ERCC4: variants seen among roughly 807,000 people sequenced by gnomAD.
The protein encoded by ERCC4 is ERCC excision repair 4, endonuclease catalytic subunit.
Under a neutral mutation model 76.9 loss-of-function variants are expected in ERCC4, and 65 were observed. That is an observed-to-expected ratio of 0.84 (90% CI 0.69 to 1.04). The LOEUF is 1.04. Among genes scored for constraint, ERCC4 ranks in the 50% least tolerant of loss-of-function variants. The pLI is 0.00. For synonymous variants in ERCC4, 463 were observed against 410.1 expected (o/e 1.13, Z -1.56); for missense variants, 1,214 against 1,128.2 (o/e 1.08, Z -1.09).
intron 8 of ERCC4, among the ~76,000 whole-genome samples, chr16:13,936,115 A>G (rs2032286865): frequency 6.6e-6 from 1 of 152,216 alleles, no homozygotes; most frequent in Non-Finnish European, 1.5e-5. Context: ...TTAATCTTCT[A>G]AAATATCTTT....
rs2032619473 is a variant in ERCC4, at chr16:13,950,986, T to C, written c.*2639T>C. ...TGGACGCTTGAAGACAGGTGCACTGTCTCGTATGTATTTGAATTATGAACA... is the reference window on the plus strand; with the variant it reads ...TGGACGCTTGAAGACAGGTGCACTGCCTCGTATGTATTTGAATTATGAACA... On this transcript the variant is annotated 3_prime_UTR_variant, in exon 11 of 11. Coordinates refer to ENST00000311895, the MANE Select transcript of ERCC4 (RefSeq NM_005236.3). 5.2e-6 allele frequency: 1 copy of C among 192,218 alleles called. No individual in the cohort carries two copies. The highest frequency in any genetic ancestry group is 1.1e-5 in the Non-Finnish European group (1 of 91,842). 11.9% of individuals were successfully genotyped at this position (192,218 alleles called of 1,614,324 possible).
At chr16:13,944,577 A>T in intron 9 of ERCC4, 146 bp from the exon 10 acceptor site, 2 of 661,666 alleles carry the variant, frequency 3.0e-6, no homozygotes, top group African/African-American at 1.8e-5. Context: ...TGGCATATTT[A>T]CTTCTAATAT....
At chr16:13,937,685 C>A in intron 8 of ERCC4, 81 bp from the exon 9 acceptor site, 1 of 859,642 alleles carries the variant, frequency 1.2e-6, no homozygotes, top group Admixed American at 1.7e-5. Flanking sequence ...CTCTAGGTTG[C>A]TGATTTCACA....
chr16:13,928,383 A>C (rs2032110031), intron 4 of ERCC4, 148 bp downstream of exon 4: 1 of 635,754 alleles, frequency 1.6e-6, no homozygotes, highest in African/African-American at 1.8e-5. Flanking sequence ...TCTTTGGTTT[A>C]CTGGAAAGTA....
Position 13,949,118 on chromosome 16 carries a change from T to C in ERCC4, c.*771T>C, listed in dbSNP as rs1188937305. On this transcript the variant is annotated 3_prime_UTR_variant, in exon 11 of 11. Coordinates refer to ENST00000311895, the MANE Select transcript of ERCC4 (RefSeq NM_005236.3). ...TATGTAGCATATACTATAATTTCAT[T>C]GTTCCAAATTAGTATTTTTAAAGCA... The C allele has an allele frequency of 4.3e-6, 1 of 233,020 alleles. No individual in the cohort carries two copies. Among genetic ancestry groups the C allele is most frequent in the Non-Finnish European group, 8.5e-6 (1 of 117,970 alleles). 14.4% of individuals were successfully genotyped at this position (233,020 alleles called of 1,614,324 possible).
chr16:13,922,568 TC>T, intron 2 of ERCC4: 1 of 699,406 alleles, frequency 1.4e-6, no homozygotes, highest in Non-Finnish European at 2.6e-6. Flanking sequence ...ATGACGAATT[TC>T]TTAATGGCTT....
chr16:13,928,607 A>G (rs1221486002), intron 4 of ERCC4, among the ~76,000 whole-genome samples: 1 of 152,200 alleles, frequency 6.6e-6, no homozygotes, highest in Non-Finnish European at 1.5e-5. Context: ...CTTTTATGGA[A>G]TAAAAAATAA....
chr16:13,938,044 C>T (rs1275514997), intron 9 of ERCC4, among the ~76,000 whole-genome samples, 186 bp downstream of exon 9: 1 of 105,196 alleles, frequency 9.5e-6, no homozygotes, highest in Non-Finnish European at 2.1e-5. Context: ...TTTTTCTCTT[C>T]CCCGTCTCTT....
At chr16:13,941,450 C>G (rs140240391) in intron 9 of ERCC4, among the ~76,000 whole-genome samples, 3 of 152,296 alleles carry the variant, frequency 2.0e-5, no homozygotes, top group Non-Finnish European at 2.9e-5. Flanking sequence ...AACATTTGCA[C>G]TGTGTACTTA....
Position 13,935,608 on chromosome 16 carries a change from G to A in ERCC4, c.1676G>A (p.Gly559Asp), listed in dbSNP as rs370896187. The A allele has an allele frequency of 8.7e-5, 140 of 1,614,006 alleles. No individual in the cohort carries two copies. Among genetic ancestry groups the A allele is most frequent in the Admixed American group, 1.2e-4 (7 of 59,998 alleles). ...CTCACTATCATCCATCCGCTTCTGG[G>A]TTGCAGCGACCCCTATGCTCTGACA... ...EPLTIIHPLLGCSDPYALTRV... is the reference protein window; with the variant it reads ...EPLTIIHPLLDCSDPYALTRV... Residue 559 changes from glycine to aspartate, a missense_variant, in exon 8 of 11, where the codon GGT becomes GAT. Physicochemically the swap from Gly to Asp is moderately conservative, Grantham distance 94. Transcript: ENST00000311895.
chr16:13,940,543 G>A (rs1024395629), intron 9 of ERCC4, among the ~76,000 whole-genome samples: 1 of 152,204 alleles, frequency 6.6e-6, no homozygotes, highest in African/African-American at 2.4e-5. Flanking sequence ...GACCACACAT[G>A]CAAAGTGTTG....
At chr16:13,936,296 A>G (rs1285935757) in intron 8 of ERCC4, among the ~76,000 whole-genome samples, 1 of 152,228 alleles carries the variant, frequency 6.6e-6, no homozygotes, top group East Asian at 1.9e-4. Context: ...TGGCTTTCCA[A>G]TTATCTGAGG....
At position 13,951,609 on chromosome 16, in the gene ERCC4, A is replaced by C. The variant is rs910756200; in HGVS notation, c.*3262A>C. 9.3e-6 allele frequency: 2 copies of C among 215,112 alleles called. No individual in the cohort carries two copies. The highest frequency in any genetic ancestry group is 4.5e-5 in the African/African-American group (2 of 44,314). 13.3% of individuals were successfully genotyped at this position (215,112 alleles called of 1,614,324 possible). ...CAGTTTCCCAGCTCATGAGGGACTG[A>C]AAATAGTCTTATTCATCAACCCACT... is the stretch of plus-strand genomic sequence containing the variant. On this transcript the variant is annotated 3_prime_UTR_variant, in exon 11 of 11. Coordinates refer to ENST00000311895, the MANE Select transcript of ERCC4 (RefSeq NM_005236.3).
At chr16:13,940,796 A>G (rs538014909) in intron 9 of ERCC4, among the ~76,000 whole-genome samples, 1 of 152,334 alleles carries the variant, frequency 6.6e-6, no homozygotes, top group East Asian at 1.9e-4. Flanking sequence ...CTCAGAGCTC[A>G]TCTCCCAGGA....
chr16:13,922,655 C>G (rs78449631), intron 2 of ERCC4: 2 of 495,192 alleles, frequency 4.0e-6, no homozygotes, highest in African/African-American at 3.9e-5. Flanking sequence ...TTGGCATGAC[C>G]GTTGTCCTTT....
In ERCC4 at chr16:13,948,550, C is replaced by T; in HGVS notation, c.*203C>T. On this transcript the variant is annotated 3_prime_UTR_variant, in exon 11 of 11. Coordinates refer to ENST00000311895, the MANE Select transcript of ERCC4 (RefSeq NM_005236.3). ...AACTTGCCTGTGCCTGCTCTTTTTC[C>T]TCCCTGCACCGTCTATGCCGGGCTT... The T allele has an allele frequency of 3.3e-6, 2 of 614,008 alleles. No homozygotes were observed. Among genetic ancestry groups the T allele is most frequent in the Non-Finnish European group, 5.7e-6 (2 of 350,330 alleles). 38.0% of individuals were successfully genotyped at this position (614,008 alleles called of 1,614,324 possible). A position where few individuals can be genotyped will look rare whatever the true frequency, so the allele number is the denominator to read the frequency against.
chr16:13,948,009 T>G lies in ERCC4; in HGVS notation c.2413T>G (p.Ser805Ala). 6.2e-7 allele frequency: 1 copy of G among 1,614,030 alleles called. No individual in the cohort carries two copies. Among genetic ancestry groups the G allele is most frequent in the Non-Finnish European group, 8.5e-7 (1 of 1,180,010 alleles). Residue 805 changes from serine (S) to alanine (A), a missense_variant, in exon 11 of 11, where the codon TCT becomes GCT. By Grantham distance (99) the Ser-to-Ala change is moderately conservative. Coordinates refer to ENST00000311895, the MANE Select transcript of ERCC4 (RefSeq NM_005236.3). Reference protein sequence around the residue: ...FPRLRILWCPSPHATAELFEE... With the variant: ...FPRLRILWCPAPHATAELFEE... ...CAGACTACGGATTCTCTGGTGCCCC[T>G]CTCCTCATGCAACGGCGGAGTTGTT...
In ERCC4 at chr16:13,935,409, A is replaced by G; in HGVS notation, c.1477A>G (p.Thr493Ala). The G allele has an allele frequency of 6.2e-7, 1 of 1,612,184 alleles. No individual in the cohort carries two copies. The highest frequency in any genetic ancestry group is 8.5e-7 in the Non-Finnish European group (1 of 1,179,568). Residue 493 changes from threonine (T) to alanine (A), a missense_variant, in exon 8 of 11, where the codon ACC (threonine) becomes GCC (alanine). Thr to Ala is a moderately conservative substitution (Grantham distance 58). Transcript: ENST00000311895. ...CCTCAAAAAGAAAAAACGGAAGTTG[A>G]CCTTAACTCAAATGGTAGGAAAACC... ...RTLKKKKRKL[T>A]LTQMVGKPEE...
chr16:13,924,657 T>C (rs1024582135), intron 2 of ERCC4, among the ~76,000 whole-genome samples: 1 of 152,214 alleles, frequency 6.6e-6, no homozygotes, highest in African/African-American at 2.4e-5. Flanking sequence ...TTAATTTCTC[T>C]ATGCCTCAGC....
Sources: allele counts gnomAD v4.1 joint callset (sites outside exome capture counted in the v4.1 genomes callset), GRCh38; gene constraint gnomAD v4.1.1; transcripts MANE v1.5; gene names NCBI Gene and HGNC (gene_info 2026-07-23, HGNC 2026-07-21).